VPS41: variants seen among roughly 807,000 people sequenced by gnomAD.
The protein encoded by VPS41 is vacuolar protein sorting-associated protein 41 homolog.
Under a neutral mutation model 130.9 loss-of-function variants are expected in VPS41, and 85 were observed. The ratio of observed to expected loss-of-function variants is 0.65; its 90% CI spans 0.55 to 0.78. The LOEUF is 0.78. VPS41 is among the 30% of genes least tolerant of loss of function. The pLI, the probability that VPS41 is intolerant of heterozygous loss-of-function variation, is 0.00. For synonymous variants in VPS41, 335 were observed against 332.9 expected (o/e 1.01, Z -0.07); for missense variants, 874 against 1,018.7 (o/e 0.86, Z 1.93).
At chr7:38,806,823 G>A (rs1446024313) in intron 7 of VPS41, among the ~76,000 whole-genome samples, 1 of 152,166 alleles carries the variant, frequency 6.6e-6, no homozygotes, top group East Asian at 1.9e-4. Flanking sequence ...GAGAAAAGCT[G>A]ACAACCAGAA....
chr7:38,865,180 A>C (rs1786201689), intron 3 of VPS41, among the ~76,000 whole-genome samples: 1 of 152,186 alleles, frequency 6.6e-6, no homozygotes, highest in Non-Finnish European at 1.5e-5. Context: ...ACTTCCCTGG[A>C]AACAGTCGAT....
At chr7:38,763,793 C>A (rs1362139823) in intron 16 of VPS41, among the ~76,000 whole-genome samples, 1 of 152,104 alleles carries the variant, frequency 6.6e-6, no homozygotes, top group African/African-American at 2.4e-5. Flanking sequence ...CTTTATCTCT[C>A]TGTTCTTCCT....
intron 16 of VPS41, 114 bp from the exon 17 acceptor site, chr7:38,763,661 A>C (rs1002649057): frequency 6.2e-5 from 36 of 576,044 alleles, no homozygotes; most frequent in Non-Finnish European, 9.5e-5. Flanking sequence ...GAGGGAATAC[A>C]GTACTCTGAA....
chr7:38,753,947 G>C (rs1783734246), intron 21 of VPS41, among the ~76,000 whole-genome samples: 1 of 152,090 alleles, frequency 6.6e-6, no homozygotes, highest in Non-Finnish European at 1.5e-5. Context: ...AAAGATACAA[G>C]TGCACTTATT....
intron 9 of VPS41, among the ~76,000 whole-genome samples, chr7:38,792,228 C>T (rs1364921631): frequency 1.3e-5 from 2 of 152,182 alleles, no homozygotes; most frequent in African/African-American, 4.8e-5. Context: ...TAAGTGCTAC[C>T]TTAAGCTCAT....
At chr7:38,799,028 G>A (rs1477802471) in intron 7 of VPS41, among the ~76,000 whole-genome samples, 2 of 152,080 alleles carry the variant, frequency 1.3e-5, no homozygotes, top group Non-Finnish European at 2.9e-5. Flanking sequence ...GGAACGAAGG[G>A]GAGTGGCCAG....
Position 38,870,088 on chromosome 7 carries a change from A to G in VPS41, c.61-835T>C, listed in dbSNP as rs534876994. Among the ~76,000 whole-genome samples, 7 of 152,294 alleles carry G rather than the reference A, an allele frequency of 4.6e-5. No individual in the cohort carries two copies. The South Asian group carries it at 1.4e-3, about 32-fold the overall frequency. On this transcript the variant is annotated intron_variant, in intron 2 of 28. Transcript: ENST00000310301. ...TCTGGGTGTAGGACAAGAGGCTGAG[A>G]ACCCAAGCTCTGCCTGGGAAGACAG...
intron 19 of VPS41, 72 bp downstream of exon 19, chr7:38,756,766 G>T: frequency 8.8e-7 from 1 of 1,142,628 alleles, no homozygotes; most frequent in Non-Finnish European, 1.2e-6. Flanking sequence ...CCAGCATTTG[G>T]ATAGATATCT....
chr7:38,740,587 C>T (rs897801677), intron 25 of VPS41, among the ~76,000 whole-genome samples: 17 of 152,268 alleles, frequency 1.1e-4, no homozygotes, highest in African/African-American at 3.4e-4. Flanking sequence ...GCCTATATAT[C>T]GTTAAGCTTT....
chr7:38,748,221 G>C (rs953816054), intron 22 of VPS41, among the ~76,000 whole-genome samples: 1 of 151,980 alleles, frequency 6.6e-6, no homozygotes, highest in Non-Finnish European at 1.5e-5. Context: ...ATGCGCGCGC[G>C]TGCGCGCACA....
intron 28 of VPS41, 31 bp from the exon 29 acceptor site, chr7:38,726,357 A>C (rs777982482): frequency 1.3e-6 from 2 of 1,544,252 alleles, no homozygotes; most frequent in East Asian, 4.5e-5. Flanking sequence ...CACATATTTA[A>C]AAAATGATCT....
chr7:38,790,521 T>A (rs566200837), intron 9 of VPS41, among the ~76,000 whole-genome samples: 34 of 152,102 alleles, frequency 2.2e-4, no homozygotes, highest in Non-Finnish European at 3.7e-4. Context: ...TTCTACAAAA[T>A]TCCAAAAAGC....
intron 3 of VPS41, 129 bp from the exon 4 acceptor site, chr7:38,862,751 T>G (rs1311478069): frequency 3.3e-6 from 2 of 611,320 alleles, no homozygotes; most frequent in Admixed American, 6.2e-5. Flanking sequence ...AAGATATGCA[T>G]GCCTTGGAGA....
intron 1 of VPS41, among the ~76,000 whole-genome samples, chr7:38,902,174 T>C (rs1192052111): frequency 6.6e-6 from 1 of 152,202 alleles, no homozygotes; most frequent in Non-Finnish European, 1.5e-5. Flanking sequence ...GCCATCAGGA[T>C]TATCTTCCCA....
chr7:38,860,062 T>A (rs959587311), intron 4 of VPS41, among the ~76,000 whole-genome samples: 1 of 152,208 alleles, frequency 6.6e-6, no homozygotes, highest in Admixed American at 6.5e-5. Context: ...AAGATGGCCG[T>A]ATAAAACAGA....
At chr7:38,886,362 C>G (rs983406329) in intron 2 of VPS41, among the ~76,000 whole-genome samples, 1 of 152,212 alleles carries the variant, frequency 6.6e-6, no homozygotes, top group African/African-American at 2.4e-5. Context: ...GTGCCTGGCT[C>G]GGCAGGTACC....
intron 4 of VPS41, among the ~76,000 whole-genome samples, chr7:38,843,345 A>G (rs999869983): frequency 2.6e-5 from 4 of 152,208 alleles, no homozygotes; most frequent in African/African-American, 9.6e-5. Flanking sequence ...AGTATGCAAA[A>G]AATGTCTTCT....
intron 9 of VPS41, among the ~76,000 whole-genome samples, chr7:38,791,386 A>C (rs1784532788): frequency 6.6e-6 from 1 of 152,210 alleles, no homozygotes; most frequent in African/African-American, 2.4e-5. Context: ...TGTATCGGCA[A>C]TATTAGTGAA....
intron 25 of VPS41, among the ~76,000 whole-genome samples, chr7:38,740,262 G>A (rs954609486): frequency 2.6e-5 from 4 of 152,132 alleles, no homozygotes; most frequent in African/African-American, 7.2e-5. Flanking sequence ...ATCCTGGCAT[G>A]CCTGGGGTTG....
Sources: gnomAD v4.1 joint callset for allele counts (sites outside exome capture counted in the v4.1 genomes callset) on GRCh38, gnomAD v4.1.1 for gene constraint, MANE v1.5 for transcripts, NCBI Gene and HGNC (gene_info 2026-07-23, HGNC 2026-07-21) for gene names.